LRFN2: variants seen among roughly 807,000 people sequenced by gnomAD.
The protein encoded by LRFN2 is leucine rich repeat and fibronectin type III domain containing 2.
Under a neutral mutation model 37.3 loss-of-function variants are expected in LRFN2, and 18 were observed. The ratio of observed to expected loss-of-function variants is 0.48; its 90% CI spans 0.33 to 0.72. The LOEUF (loss-of-function observed/expected upper bound fraction) is 0.72, where lower values mean the gene tolerates loss of function less well. LRFN2 is among the 30% of genes least tolerant of loss of function. The probability of loss-of-function intolerance (pLI) is 0.02; values close to 1 mark genes in which losing one functional copy is unlikely to be tolerated. For synonymous variants in LRFN2, 556 were observed against 466.6 expected, an observed-to-expected ratio of 1.19 and a Z score of -2.47; for missense variants, 1,006 against 1,060.7, an observed-to-expected ratio of 0.95 and a Z score of 0.72.
At chr6:40,460,205 A>C (rs538963084) in intron 1 of LRFN2, among the ~76,000 whole-genome samples, 14 of 152,182 alleles carry the variant, frequency 9.2e-5, no homozygotes, top group Non-Finnish European at 1.9e-4. Flanking sequence ...TAGTCAACCG[A>C]GACAGTGAAA....
intron 2 of LRFN2, among the ~76,000 whole-genome samples, chr6:40,404,747 G>C (rs2113799804): frequency 6.6e-6 from 1 of 152,074 alleles, no homozygotes; most frequent in East Asian, 1.9e-4. Flanking sequence ...TCCAGCTTTG[G>C]GGAGTTCACA....
At chr6:40,471,495 A>T (rs577191704) in intron 1 of LRFN2, among the ~76,000 whole-genome samples, 1 of 152,246 alleles carries the variant, frequency 6.6e-6, no homozygotes, top group South Asian at 2.1e-4. Context: ...GTGGTGTGGC[A>T]TGCTGTTGAG....
At chr6:40,417,463 A>T (rs559569557) in intron 2 of LRFN2, among the ~76,000 whole-genome samples, 9 of 152,346 alleles carry the variant, frequency 5.9e-5, no homozygotes, top group African/African-American at 1.9e-4. Context: ...CTTATGAGCT[A>T]CTAGAGTAGG....
intron 1 of LRFN2, among the ~76,000 whole-genome samples, chr6:40,479,458 CCTT>C (rs35962129): frequency 0.02 from 3,012 of 152,270 alleles, 39 homozygotes; most frequent in Middle Eastern, 0.027. Flanking sequence ...GCCTCAGTTT[CCTT>C]ATCAGTAAAA....
intron 1 of LRFN2, among the ~76,000 whole-genome samples, chr6:40,561,720 A>G (rs1004392089): frequency 3.9e-5 from 6 of 152,210 alleles, no homozygotes; most frequent in African/African-American, 1.4e-4. Context: ...TTTAGATACT[A>G]GAAAAACAGG....
intron 2 of LRFN2, among the ~76,000 whole-genome samples, chr6:40,399,794 A>G (rs1561839073): frequency 6.6e-6 from 1 of 151,866 alleles, no homozygotes; most frequent in Non-Finnish European, 1.5e-5. Context: ...TGAATCCTGA[A>G]TGACACAAGG....
intron 1 of LRFN2, among the ~76,000 whole-genome samples, chr6:40,482,630 C>T (rs970606309): frequency 6.6e-6 from 1 of 152,224 alleles, no homozygotes; most frequent in Non-Finnish European, 1.5e-5. Context: ...GCCATGGCAA[C>T]ATCTGCCAGC....
intron 2 of LRFN2, among the ~76,000 whole-genome samples, chr6:40,415,503 G>C (rs1473620523): frequency 2.0e-5 from 3 of 152,170 alleles, no homozygotes; most frequent in African/African-American, 7.2e-5. Flanking sequence ...TGGGATTACA[G>C]GCATGAGCCA....
At chr6:40,423,396 A>C (rs796355795) in intron 2 of LRFN2, among the ~76,000 whole-genome samples, 1 of 152,104 alleles carries the variant, frequency 6.6e-6, no homozygotes, top group Non-Finnish European at 1.5e-5. Flanking sequence ...AATCATAAGT[A>C]CTCTCAGCTA....
intron 1 of LRFN2, among the ~76,000 whole-genome samples, chr6:40,484,015 C>T (rs1764894413): frequency 1.3e-5 from 2 of 152,162 alleles, no homozygotes; most frequent in African/African-American, 4.8e-5. Context: ...ACACAGTAGG[C>T]AGAATTTGCT....
intron 1 of LRFN2, among the ~76,000 whole-genome samples, chr6:40,526,668 G>A (rs79696525): frequency 1.3e-5 from 2 of 152,186 alleles, no homozygotes; most frequent in Non-Finnish European, 2.9e-5. Flanking sequence ...CTGCAGACCT[G>A]TGTGGCCAGT....
intron 1 of LRFN2, among the ~76,000 whole-genome samples, chr6:40,475,763 G>A (rs1036352067): frequency 1.3e-5 from 2 of 152,114 alleles, no homozygotes; most frequent in Admixed American, 6.5e-5. Flanking sequence ...ATGTAGTCCA[G>A]GCTGACAATG....
At chr6:40,465,553 G>A (rs997660992) in intron 1 of LRFN2, among the ~76,000 whole-genome samples, 1 of 152,094 alleles carries the variant, frequency 6.6e-6, no homozygotes, top group Admixed American at 6.5e-5. Flanking sequence ...TCCTGACTTG[G>A]TTTACTTCTG....
chr6:40,471,626 A>G (rs1216723592), intron 1 of LRFN2, among the ~76,000 whole-genome samples: 3 of 152,182 alleles, frequency 2.0e-5, no homozygotes, highest in African/African-American at 7.2e-5. Context: ...GAAGGATGAC[A>G]ATGGCAGTGC....
At chr6:40,435,613 A>C (rs1249478839) in intron 1 of LRFN2, among the ~76,000 whole-genome samples, 1 of 152,016 alleles carries the variant, frequency 6.6e-6, no homozygotes, top group Non-Finnish European at 1.5e-5. Context: ...ATCTCAGCTC[A>C]CTGCAACCTC....
At chr6:40,543,631 C>T (rs1561902000) in intron 1 of LRFN2, among the ~76,000 whole-genome samples, 1 of 152,224 alleles carries the variant, frequency 6.6e-6, no homozygotes, top group African/African-American at 2.4e-5. Flanking sequence ...TAGAATGTGG[C>T]TGTTTTCACA....
chr6:40,530,309 A>G (rs1766321444), intron 1 of LRFN2, among the ~76,000 whole-genome samples: 1 of 152,216 alleles, frequency 6.6e-6, no homozygotes, highest in Non-Finnish European at 1.5e-5. Flanking sequence ...CAGGCCTGGG[A>G]TAGGAAAGTC....
intron 1 of LRFN2, among the ~76,000 whole-genome samples, chr6:40,478,121 A>T (rs1471906107): frequency 6.6e-6 from 1 of 151,810 alleles, no homozygotes; most frequent in Non-Finnish European, 1.5e-5. Context: ...GCCAGGACGC[A>T]CCCCTGCTGC....
chr6:40,426,171 G>A (rs551769340), intron 2 of LRFN2, among the ~76,000 whole-genome samples: 2 of 152,298 alleles, frequency 1.3e-5, no homozygotes, highest in Admixed American at 6.5e-5. Context: ...TAGCAACAGT[G>A]GAAGCCATAT....
Sources: gnomAD v4.1 joint callset for allele counts (sites outside exome capture counted in the v4.1 genomes callset) on GRCh38, gnomAD v4.1.1 for gene constraint, MANE v1.5 for transcripts, NCBI Gene and HGNC (gene_info 2026-07-23, HGNC 2026-07-21) for gene names.